PCDHA3: variants seen among roughly 807,000 people sequenced by gnomAD.
PCDHA3 encodes the protein protocadherin alpha 3, also known as protocadherin alpha-3.
PCDHA3 carries 41 observed loss-of-function variants against 62.2 expected under a neutral mutation model. The ratio of observed to expected loss-of-function variants is 0.66; its 90% CI spans 0.51 to 0.86. PCDHA3 has a LOEUF of 0.86. Ranked by LOEUF, PCDHA3 falls within the 40% of genes least tolerant of loss-of-function variation. PCDHA3 has a pLI of 0.00. For missense variants in PCDHA3, 1,304 were observed against 1,241.2 expected, an observed-to-expected ratio of 1.05 and a Z score of -0.76; for synonymous variants, 640 against 555.4, an observed-to-expected ratio of 1.15 and a Z score of -2.14.
intron 1 of PCDHA3, chr5:140,883,163 A>C: frequency 6.2e-7 from 1 of 1,614,068 alleles, no homozygotes; most frequent in South Asian, 1.1e-5. Context: ...AAATCCGAAC[A>C]ATGGAGAAAT....
rs782453395 is a variant in PCDHA3 at position 140,875,890 on chromosome 5, G to A, written c.2394+72299G>A. 2.4e-5 allele frequency: 38 copies of A among 1,614,180 alleles called. No homozygotes were observed. The South Asian group carries it at 4.1e-4, about 17-fold the overall frequency. On this transcript the variant is annotated intron_variant, in intron 1 of 3. Coordinates refer to ENST00000522353, the MANE Select transcript of PCDHA3 (RefSeq NM_018906.3). Reference sequence around the variant, plus strand: ...GGTGTTCAGAGAAAGGGAACAAAAGGTACCTGTTTCTGAATCTGCGCCTCT... The same window carrying A: ...GGTGTTCAGAGAAAGGGAACAAAAGATACCTGTTTCTGAATCTGCGCCTCT...
intron 1 of PCDHA3, chr5:140,869,562 A>C: frequency 2.5e-6 from 4 of 1,614,168 alleles, no homozygotes. Flanking sequence ...CGCGTTTTCC[A>C]CTAGAGGGAG....
chr5:140,876,575 T>C (rs2153342882), intron 1 of PCDHA3: 1 of 1,614,152 alleles, frequency 6.2e-7, no homozygotes, highest in South Asian at 1.1e-5. Context: ...GTGGGTACCG[T>C]CATTGCCCTG....
chr5:140,815,310 T>C (rs1765694011), intron 1 of PCDHA3: 1 of 152,170 alleles, frequency 6.6e-6, no homozygotes, highest in South Asian at 2.1e-4. Context: ...TTGAGAATTG[T>C]AATGCTATGT....
chr5:140,838,969 A>G (rs1274095738), intron 1 of PCDHA3, among the ~76,000 whole-genome samples: 1 of 152,050 alleles, frequency 6.6e-6, no homozygotes, highest in Non-Finnish European at 1.5e-5. Flanking sequence ...CCCAGAACTG[A>G]CAATTTTCAC....
chr5:140,910,958 C>G (rs571427431), intron 1 of PCDHA3, among the ~76,000 whole-genome samples: 2 of 152,220 alleles, frequency 1.3e-5, no homozygotes, highest in East Asian at 3.9e-4. Context: ...TCGAGTGTAG[C>G]ACACCTCCTC....
At chr5:140,967,956 A>G in intron 1 of PCDHA3, 2 of 1,614,172 alleles carry the variant, frequency 1.2e-6, no homozygotes, top group Middle Eastern at 3.3e-4. Context: ...TCAGGCCCCA[A>G]CCGGAAAGTG....
At chr5:140,869,659 G>A (rs782595471) in intron 1 of PCDHA3, 4 of 1,613,446 alleles carry the variant, frequency 2.5e-6, no homozygotes, top group Non-Finnish European at 3.4e-6. Context: ...ACCAACAAAT[G>A]GTAAGCAGAT....
rs143363926 is a variant in PCDHA3 at position 140,919,499 on chromosome 5, C to T, written c.2395-59450C>T. Among the ~76,000 whole-genome samples the T allele has an allele frequency of 1.8e-4, 27 of 152,124 alleles. No homozygotes were observed. In the East Asian group the frequency reaches 5.2e-3, roughly 29 times the overall value. ...TGGATTTATGTTTGTTATTTTACTCCTTTTTCTATATGTTTTAATTCTCTT... is the reference window on the plus strand; with the variant it reads ...TGGATTTATGTTTGTTATTTTACTCTTTTTTCTATATGTTTTAATTCTCTT... On this transcript the variant is annotated intron_variant, in intron 1 of 3. Coordinates refer to ENST00000522353, the MANE Select transcript of PCDHA3 (RefSeq NM_018906.3).
At chr5:140,848,190 T>C in intron 1 of PCDHA3, 1 of 291,738 alleles carries the variant, frequency 3.4e-6, no homozygotes, top group South Asian at 6.2e-5. Flanking sequence ...CGGGATCTTC[T>C]GTTTCAACAA....
chr5:140,911,502 G>A (rs911736161), intron 1 of PCDHA3, among the ~76,000 whole-genome samples: 4 of 152,104 alleles, frequency 2.6e-5, no homozygotes, highest in Admixed American at 1.3e-4. Flanking sequence ...CAGGTTTGAG[G>A]TTCAGTATCT....
At chr5:140,902,917 T>G (rs1235478755) in intron 1 of PCDHA3, among the ~76,000 whole-genome samples, 1 of 152,230 alleles carries the variant, frequency 6.6e-6, no homozygotes, top group Non-Finnish European at 1.5e-5. Context: ...CTGAGTAGTA[T>G]TGCATGGTGT....
chr5:140,966,599 C>T, intron 1 of PCDHA3: 1 of 631,096 alleles, frequency 1.6e-6, no homozygotes, highest in Non-Finnish European at 2.4e-6. Context: ...GGCCAGGAGC[C>T]CTTGGGAGGG....
In PCDHA3 at chr5:140,801,492, A is replaced by G; in HGVS notation, c.295A>G (p.Ser99Gly). 2 of 1,614,130 alleles carry G rather than the reference A, an allele frequency of 1.2e-6. No individual in the cohort carries two copies. The highest frequency in any genetic ancestry group is 1.7e-6 in the Non-Finnish European group (2 of 1,180,034). ...RIDREELCGR[S>G]AECSIHLEVI... ...AGACCGCGAGGAACTGTGCGGGCGG[A>G]GCGCGGAGTGCAGCATCCACCTGGA... The change falls in exon 1 of 4, where the codon AGC becomes GGC. Residue 99 changes from serine to glycine, a missense_variant. Coordinates refer to ENST00000522353, the MANE Select transcript of PCDHA3 (RefSeq NM_018906.3).
intron 1 of PCDHA3, chr5:140,823,087 G>T: frequency 1.2e-6 from 2 of 1,613,984 alleles, no homozygotes; most frequent in East Asian, 4.5e-5. Context: ...GTGGGCCACC[G>T]CCAGCGTGTC....
At position 140,876,234 on chromosome 5, in the gene PCDHA3, T is replaced by C. The variant is rs1260556049; in HGVS notation, c.2394+72643T>C. 4 of 1,613,902 alleles carry C rather than the reference T, an allele frequency of 2.5e-6. No individual in the cohort carries two copies. In the South Asian group the frequency reaches 3.3e-5, roughly 13 times the overall value. On this transcript the variant is annotated intron_variant, in intron 1 of 3. Transcript: ENST00000522353. ...GCTATAAAGTAGTGTTGTCTGAAAA[T>C]GTCCAAAACGACACAAGAGTGATCC...
intron 1 of PCDHA3, among the ~76,000 whole-genome samples, chr5:140,897,453 C>T (rs1437046068): frequency 6.6e-6 from 1 of 151,162 alleles, no homozygotes; most frequent in African/African-American, 2.4e-5. Context: ...GTTTTTTGTC[C>T]TTGCGATAGT....
rs2150389319 is a variant in PCDHA3, at chr5:140,846,377, T to C, written c.2394+42786T>C. On this transcript the variant is annotated intron_variant, in intron 1 of 3. Transcript: ENST00000522353. The stretch of plus-strand genomic sequence containing the variant: ...TTTCTTTTCTTTTCTTTCTTTCTTT[T>C]TTTTTTTTTTTTTTTGAGACGGAGT... Among the ~76,000 whole-genome samples the C allele has an allele frequency of 1.3e-3, 177 of 134,738 alleles. 13 individuals carry two copies. The highest frequency in any genetic ancestry group is 3.8e-3 in the African/African-American group (141 of 37,120). The allele number at this position is 134,738 out of a possible 152,430, so 88.4% of individuals were successfully genotyped here.
chr5:140,808,340 G>T (rs782123040), intron 1 of PCDHA3: 2 of 1,614,254 alleles, frequency 1.2e-6, no homozygotes, highest in South Asian at 2.2e-5. Flanking sequence ...CAATGGGCTG[G>T]TCACCTGCTC....
Sources: allele counts gnomAD v4.1 joint callset (sites outside exome capture counted in the v4.1 genomes callset), GRCh38; gene constraint gnomAD v4.1.1; transcripts MANE v1.5; gene names NCBI Gene and HGNC (gene_info 2026-07-23, HGNC 2026-07-21).